The following FRMPD4 variants were observed in gnomAD, a reference collection of about 807,000 sequenced individuals.
The protein encoded by FRMPD4 is FERM and PDZ domain-containing protein 4.
A neutral mutation model predicts 94.1 loss-of-function variants in FRMPD4; 22 were observed. The observed-to-expected ratio is 0.23, with a 90% CI of 0.17 to 0.33. The LOEUF (loss-of-function observed/expected upper bound fraction) is 0.33, where lower values mean the gene tolerates loss of function less well. Ranked by LOEUF, FRMPD4 falls within the 10% of genes least tolerant of loss-of-function variation. The pLI is 1.00. For synonymous variants in FRMPD4, 631 were observed against 548.6 expected, an observed-to-expected ratio of 1.15 and a Z score of -2.10; for missense variants, 1,111 against 1,339.9, an observed-to-expected ratio of 0.83 and a Z score of 2.67.
intron 1 of FRMPD4, among the ~76,000 whole-genome samples, chrX:12,231,402 G>C (rs1052294974): frequency 7.3e-5 from 8 of 109,354 alleles, no homozygotes; most frequent in Non-Finnish European, 1.9e-5. Flanking sequence ...CACATGGCTT[G>C]GCTAGTCCCC....
At chrX:11,961,909 G>GA (rs58679104) in intron 3 of FRMPD4, among the ~76,000 whole-genome samples, 8,935 of 103,545 alleles carry the variant, frequency 0.086, 754 homozygotes, top group African/African-American at 0.26. Flanking sequence ...ATGTTAAAAA[G>GA]AAAAAAAAAA....
In FRMPD4 at chrX:12,019,388, C is replaced by A. The variant is rs1461075831; in HGVS notation, c.95+141370C>A. 2.0e-4 allele frequency among the ~76,000 whole-genome samples: 21 copies of A among 107,319 alleles called. No homozygotes were observed. In the Admixed American group the frequency reaches 2.2e-3, roughly 11 times the overall value. The allele number at this position is 107,319 out of a possible 115,157, so 93.2% of individuals were successfully genotyped here. ...CTTTCACATATTCATAACTTTCTAA[C>A]CAGTGTCTCTCTCTCTCTCTCCCTC... On this transcript the variant is annotated intron_variant, in intron 3 of 18. Coordinates refer to the FRMPD4 transcript ENST00000640291.
intron 2 of FRMPD4, among the ~76,000 whole-genome samples, chrX:12,599,191 C>G (rs61545680): frequency 0.16 from 17,831 of 110,389 alleles, 1,910 homozygotes; most frequent in African/African-American, 0.38. Context: ...AATATGGATA[C>G]AATCCAATTT....
intron 3 of FRMPD4, among the ~76,000 whole-genome samples, chrX:12,130,551 G>T (rs1190289749): frequency 9.0e-6 from 1 of 111,141 alleles, no homozygotes; most frequent in Non-Finnish European, 1.9e-5. Flanking sequence ...ATAGTAGATG[G>T]TGTATGGTAG....
intron 3 of FRMPD4, among the ~76,000 whole-genome samples, chrX:11,945,488 C>T (rs898512493): frequency 9.0e-6 from 1 of 111,405 alleles, no homozygotes; most frequent in Non-Finnish European, 1.9e-5. Context: ...TTGTAGTAGT[C>T]CATTTTGTGT....
At chrX:12,063,762 T>C (rs1312416044) in intron 3 of FRMPD4, among the ~76,000 whole-genome samples, 2 of 112,151 alleles carry the variant, frequency 1.8e-5, no homozygotes, top group Admixed American at 9.4e-5. Flanking sequence ...ACAAAACCCA[T>C]CTATGCCTTT....
intron 3 of FRMPD4, among the ~76,000 whole-genome samples, chrX:12,007,715 G>A (rs186542599): frequency 1.8e-5 from 2 of 112,535 alleles, no homozygotes; most frequent in East Asian, 5.6e-4. Flanking sequence ...GCAAGAAATG[G>A]CCTGAGATTT....
intron 3 of FRMPD4, among the ~76,000 whole-genome samples, chrX:11,945,061 C>A (rs2054181632): frequency 8.9e-6 from 1 of 112,098 alleles, no homozygotes. Context: ...TGATGTCAGA[C>A]TCTCTGAGGG....
chrX:12,710,446 C>T lies in FRMPD4; in HGVS notation c.1518C>T (p.Cys506=). 1.7e-6 allele frequency: 2 copies of T among 1,201,423 alleles called. No individual in the cohort carries two copies. The highest frequency in any genetic ancestry group is 2.3e-6 in the Non-Finnish European group (2 of 886,395). The change falls in exon 14 of 17, where the codon TGC becomes TGT. Residue 506 remains cysteine, a synonymous_variant. Transcript: ENST00000675598. ...MESSDAMNLA[C]LTAGYYRLLV... ...CCTCAGATGCCATGAACCTGGCCTG[C>T]TTGACGGCTGGATACTACCGGCTGC...
intron 3 of FRMPD4, among the ~76,000 whole-genome samples, chrX:12,610,434 G>A (rs892364484): frequency 8.9e-6 from 1 of 112,804 alleles, no homozygotes; most frequent in African/African-American, 3.2e-5. Context: ...TGTTTCCTGA[G>A]CTTCTGCCAT....
chrX:12,111,560 A>C (rs1375810880), intron 3 of FRMPD4, among the ~76,000 whole-genome samples: 2 of 111,696 alleles, frequency 1.8e-5, no homozygotes, highest in African/African-American at 6.5e-5. Context: ...AAAAGCCAAA[A>C]TTGACAAATG....
intron 2 of FRMPD4, among the ~76,000 whole-genome samples, chrX:12,587,230 C>G (rs910242897): frequency 1.8e-5 from 2 of 111,590 alleles, no homozygotes; most frequent in Admixed American, 1.9e-4. Context: ...CCTCCTAGGC[C>G]TCCCAAAGTG....
chrX:12,188,525 A>C (rs1192293881), intron 1 of FRMPD4, among the ~76,000 whole-genome samples: 1 of 112,095 alleles, frequency 8.9e-6, no homozygotes, highest in African/African-American at 3.2e-5. Flanking sequence ...ATTCTAGTCT[A>C]TGTTCAAAGA....
chrX:12,286,754 T>C (rs1157880213), intron 1 of FRMPD4, among the ~76,000 whole-genome samples: 1 of 111,768 alleles, frequency 8.9e-6, no homozygotes, highest in Admixed American at 9.5e-5. Context: ...AGCTAAAGAA[T>C]GTGGGGATTT....
chrX:11,833,494 G>A (rs142810150), intron 1 of FRMPD4, among the ~76,000 whole-genome samples: 50 of 111,800 alleles, frequency 4.5e-4, no homozygotes, highest in Middle Eastern at 9.2e-3. Flanking sequence ...CTCCCCCATC[G>A]TCACCAGTAT....
chrX:12,088,604 T>C (rs943685003), intron 3 of FRMPD4, among the ~76,000 whole-genome samples: 2 of 111,530 alleles, frequency 1.8e-5, no homozygotes, highest in Non-Finnish European at 3.8e-5. Context: ...AGACTAGAGG[T>C]GGTGAACTGG....
chrX:12,392,606 T>C (rs2056492395), intron 1 of FRMPD4, among the ~76,000 whole-genome samples: 1 of 110,355 alleles, frequency 9.1e-6, no homozygotes. Flanking sequence ...TGAGCCGAGA[T>C]CATGCCACTG....
chrX:12,012,616 C>T (rs1389717224), intron 3 of FRMPD4, among the ~76,000 whole-genome samples: 1 of 112,001 alleles, frequency 8.9e-6, no homozygotes, highest in Non-Finnish European at 1.9e-5. Flanking sequence ...GAAGGCCAGA[C>T]AATAGTAAAT....
At chrX:12,563,287 G>A (rs1326288619) in intron 2 of FRMPD4, among the ~76,000 whole-genome samples, 1 of 103,936 alleles carries the variant, frequency 9.6e-6, no homozygotes, top group Non-Finnish European at 1.9e-5. Flanking sequence ...CCAGACCTCT[G>A]AATCAGAGAC....
Sources: allele counts gnomAD v4.1 joint callset (sites outside exome capture counted in the v4.1 genomes callset), GRCh38; gene constraint gnomAD v4.1.1; transcripts MANE v1.5; gene names NCBI Gene and HGNC (gene_info 2026-07-23, HGNC 2026-07-21).